Variants in CDH4 observed in about 807,000 individuals in gnomAD.
CDH4 encodes the protein cadherin-4.
Under a neutral mutation model 86.0 loss-of-function variants are expected in CDH4, and 33 were observed. That is an observed-to-expected ratio of 0.38 (90% CI 0.29 to 0.51). The LOEUF (loss-of-function observed/expected upper bound fraction) is 0.51. CDH4 is among the 20% of genes least tolerant of loss of function. The probability of loss-of-function intolerance (pLI) is 0.86; values close to 1 mark genes in which losing one functional copy is unlikely to be tolerated. For synonymous variants in CDH4, 555 were observed against 549.4 expected (o/e 1.01, Z -0.14); for missense variants, 1,114 against 1,307.4 (o/e 0.85, Z 2.28).
chr20:61,431,456 T>G (rs2085246243), intron 2 of CDH4, among the ~76,000 whole-genome samples: 1 of 151,298 alleles, frequency 6.6e-6, no homozygotes, highest in Non-Finnish European at 1.5e-5. Flanking sequence ...ACCTCCCAGT[T>G]TCAAGTGATC....
chr20:61,554,050 C>G (rs1481252416), intron 2 of CDH4, among the ~76,000 whole-genome samples: 1 of 152,228 alleles, frequency 6.6e-6, no homozygotes, highest in South Asian at 2.1e-4. Flanking sequence ...CTCCCCAGGG[C>G]AGGGGCAGGT....
chr20:61,710,601 G>A (rs1371812724), intron 2 of CDH4, among the ~76,000 whole-genome samples: 1 of 152,218 alleles, frequency 6.6e-6, no homozygotes, highest in East Asian at 1.9e-4. Context: ...CTGGGGCCCT[G>A]GGGCTGCAAA....
At chr20:61,920,502 C>T (rs1339213863) in intron 9 of CDH4, among the ~76,000 whole-genome samples, 1 of 145,260 alleles carries the variant, frequency 6.9e-6, no homozygotes, top group African/African-American at 2.6e-5. Flanking sequence ...GGAAGCGTGT[C>T]ATGGTGATTA....
intron 7 of CDH4, among the ~76,000 whole-genome samples, chr20:61,889,310 ATG>A (rs1452103309): frequency 2.3e-4 from 34 of 150,466 alleles, no homozygotes; most frequent in African/African-American, 7.8e-4. Context: ...GGATGGATGG[ATG>A]GATGGATGGA....
chr20:61,552,948 G>A (rs2086145376), intron 2 of CDH4, among the ~76,000 whole-genome samples: 1 of 152,112 alleles, frequency 6.6e-6, no homozygotes. Context: ...GACTCCTAGG[G>A]ATCTGCCCAA....
At chr20:61,304,711 A>G (rs962543470) in intron 2 of CDH4, among the ~76,000 whole-genome samples, 4 of 152,086 alleles carry the variant, frequency 2.6e-5, no homozygotes, top group Non-Finnish European at 5.9e-5. Context: ...TGTATGTACT[A>G]GAGCCTCTGT....
intron 2 of CDH4, among the ~76,000 whole-genome samples, chr20:61,711,345 C>T (rs990714330): frequency 6.6e-6 from 1 of 152,218 alleles, no homozygotes; most frequent in African/African-American, 2.4e-5. Flanking sequence ...ACAAATCACC[C>T]AGTCTCAGAT....
intron 2 of CDH4, among the ~76,000 whole-genome samples, chr20:61,627,612 C>T (rs1010883377): frequency 4.6e-5 from 7 of 152,236 alleles, no homozygotes; most frequent in African/African-American, 9.6e-5. Flanking sequence ...AATGGGGAAG[C>T]GGACGGGCAG....
intron 2 of CDH4, among the ~76,000 whole-genome samples, chr20:61,297,317 C>T (rs2084360922): frequency 6.6e-6 from 1 of 152,030 alleles, no homozygotes; most frequent in African/African-American, 2.4e-5. Flanking sequence ...ACCCGGGAGG[C>T]GGAAGATGCA....
intron 2 of CDH4, among the ~76,000 whole-genome samples, chr20:61,289,363 C>T (rs1048603548): frequency 3.9e-5 from 6 of 152,196 alleles, no homozygotes; most frequent in African/African-American, 1.4e-4. Context: ...GTCATTTGGC[C>T]CCCAGGCTAA....
intron 2 of CDH4, among the ~76,000 whole-genome samples, chr20:61,488,641 G>A (rs781505497): frequency 8.5e-5 from 13 of 152,146 alleles, no homozygotes; most frequent in Non-Finnish European, 1.5e-4. Context: ...AGACAAAAGA[G>A]AGAGAGAGAA....
intron 2 of CDH4, among the ~76,000 whole-genome samples, chr20:61,700,966 C>T (rs954336353): frequency 5.3e-5 from 8 of 152,310 alleles, no homozygotes; most frequent in African/African-American, 9.6e-5. Flanking sequence ...CATAACAGAG[C>T]GCCACAGAGG....
At chr20:61,652,930 A>ATTTT (rs1200927520) in intron 2 of CDH4, among the ~76,000 whole-genome samples, 6 of 108,090 alleles carry the variant, frequency 5.6e-5, no homozygotes, top group African/African-American at 1.2e-4. Context: ...TTATTTATTT[A>ATTTT]TTTATTTATT....
intron 2 of CDH4, among the ~76,000 whole-genome samples, chr20:61,505,634 A>G (rs1270201902): frequency 1.4e-5 from 2 of 143,094 alleles, no homozygotes; most frequent in Non-Finnish European, 3.2e-5. Context: ...GGACATGGTC[A>G]TGGCCGTTTT....
At chr20:61,591,807 T>C (rs2086521135) in intron 2 of CDH4, among the ~76,000 whole-genome samples, 1 of 152,192 alleles carries the variant, frequency 6.6e-6, no homozygotes, top group African/African-American at 2.4e-5. Flanking sequence ...GGTCTTCCAT[T>C]ATACGGCAGT....
chr20:61,255,858 G>C (rs555208431), intron 2 of CDH4, among the ~76,000 whole-genome samples: 8 of 152,118 alleles, frequency 5.3e-5, no homozygotes, highest in Non-Finnish European at 1.2e-4. Flanking sequence ...TCAGATCCTC[G>C]CCCTTCAAGA....
At chr20:61,732,452 G>C (rs571697501) in intron 2 of CDH4, among the ~76,000 whole-genome samples, 2 of 152,126 alleles carry the variant, frequency 1.3e-5, no homozygotes, top group South Asian at 2.1e-4. Context: ...CCTCCTCCTC[G>C]CTCCCTTCCT....
intron 2 of CDH4, among the ~76,000 whole-genome samples, chr20:61,317,893 A>T (rs769384393): frequency 8.5e-5 from 13 of 152,254 alleles, no homozygotes; most frequent in Non-Finnish European, 1.8e-4. Context: ...AGTAGAGTTA[A>T]TGCCCCATGG....
rs114904407 is a variant in CDH4 at position 61,887,254 on chromosome 20, T to A, written c.1051-7656T>A. Among the ~76,000 whole-genome samples, 775 of 152,310 alleles carry A rather than the reference T, an allele frequency of 5.1e-3. 13 individuals carry two copies. Among genetic ancestry groups the A allele is most frequent in the African/African-American group, 0.018 (733 of 41,566 alleles). ...GAAGCCCTGCCAACGGGAAGGCCAC[T>A]GGCTGCTTCCGGGGGTCCCCTGGGA... On this transcript the variant is annotated intron_variant, in intron 7 of 15. Transcript: ENST00000614565.
Sources: allele counts gnomAD v4.1 joint callset (sites outside exome capture counted in the v4.1 genomes callset), GRCh38; gene constraint gnomAD v4.1.1; transcripts MANE v1.5; gene names NCBI Gene and HGNC (gene_info 2026-07-23, HGNC 2026-07-21).